Variants in CFAP299 observed in about 807,000 individuals in gnomAD.
CFAP299 encodes cilia and flagella associated protein 299.
In CFAP299, 21 loss-of-function variants were observed where a neutral mutation model predicts 27.0. That is an observed-to-expected ratio of 0.78 (90% CI 0.55 to 1.12). The LOEUF (loss-of-function observed/expected upper bound fraction) is 1.12. CFAP299 is among the 50% of genes most tolerant of loss of function. The pLI is 0.00. For synonymous variants in CFAP299, 104 were observed against 98.1 expected (o/e 1.06, Z -0.36); for missense variants, 310 against 276.6 (o/e 1.12, Z -0.86).
chr4:80,644,836 A>T (rs986854981), intron 3 of CFAP299, among the ~76,000 whole-genome samples: 1 of 152,190 alleles, frequency 6.6e-6, no homozygotes, highest in Non-Finnish European at 1.5e-5. Context: ...ATGTGAAATG[A>T]ATTAATTTTT....
At chr4:80,436,065 A>G (rs1461224583) in intron 2 of CFAP299, among the ~76,000 whole-genome samples, 1 of 152,138 alleles carries the variant, frequency 6.6e-6, no homozygotes, top group East Asian at 1.9e-4. Flanking sequence ...TAAGTAAGAG[A>G]GACTGCATAG....
intron 1 of CFAP299, among the ~76,000 whole-genome samples, chr4:80,349,065 G>C (rs1383167323): frequency 6.6e-6 from 1 of 152,208 alleles, no homozygotes; most frequent in African/African-American, 2.4e-5. Flanking sequence ...CATGAGGACA[G>C]AATGAAACGT....
chr4:80,922,173 G>A (rs1736078150), intron 4 of CFAP299, among the ~76,000 whole-genome samples: 1 of 151,922 alleles, frequency 6.6e-6, no homozygotes, highest in Admixed American at 6.6e-5. Flanking sequence ...TATCCAAGGA[G>A]GTTGTTCTTT....
chr4:80,800,321 C>T lies in CFAP299; in HGVS notation c.334-69672C>T, dbSNP rs1354932077. 1.2e-4 allele frequency among the ~76,000 whole-genome samples: 7 copies of T among 57,920 alleles called. 1 individual carries two copies. Among genetic ancestry groups the T allele is most frequent in the African/African-American group, 4.6e-4 (6 of 13,130 alleles). The allele number at this position is 57,920 out of a possible 152,430, so 38.0% of individuals were successfully genotyped here. A position where few individuals can be genotyped will look rare whatever the true frequency, so the allele number is the denominator to read the frequency against. On this transcript the variant is annotated intron_variant, in intron 3 of 5. Transcript: ENST00000358105. ...TATATAATATATAAGATATATGATA[C>T]ATTAATATTAATATATATAATATAT...
At chr4:80,336,745 C>T (rs879816602) in intron 1 of CFAP299, 1 of 152,286 alleles carries the variant, frequency 6.6e-6, no homozygotes, top group African/African-American at 2.4e-5. Flanking sequence ...AATGGACACT[C>T]ACCTGGAGAG....
At chr4:80,422,243 A>G (rs573114002) in intron 2 of CFAP299, among the ~76,000 whole-genome samples, 30 of 152,320 alleles carry the variant, frequency 2.0e-4, no homozygotes, top group African/African-American at 6.7e-4. Context: ...CTTAACAACT[A>G]TTCACCATAG....
intron 4 of CFAP299, among the ~76,000 whole-genome samples, chr4:80,882,300 A>G (rs1338881294): frequency 6.6e-6 from 1 of 152,214 alleles, no homozygotes; most frequent in African/African-American, 2.4e-5. Flanking sequence ...ACATAAAGAT[A>G]CATTGTAATC....
intron 3 of CFAP299, among the ~76,000 whole-genome samples, chr4:80,867,005 C>T (rs61683948): frequency 0.011 from 1,649 of 152,178 alleles, 26 homozygotes; most frequent in African/African-American, 0.037. Context: ...TTTAAATCGA[C>T]ATCAATTTTA....
At chr4:80,534,046 T>C (rs1028421660) in intron 2 of CFAP299, among the ~76,000 whole-genome samples, 1 of 152,142 alleles carries the variant, frequency 6.6e-6, no homozygotes, top group African/African-American at 2.4e-5. Context: ...CCATGATTAA[T>C]TAATGATATC....
At chr4:80,753,352 T>A (rs1362550467) in intron 3 of CFAP299, among the ~76,000 whole-genome samples, 2 of 152,048 alleles carry the variant, frequency 1.3e-5, no homozygotes, top group African/African-American at 4.8e-5. Context: ...TCTTATATAA[T>A]TCTTCTGTAA....
At chr4:80,570,030 C>A (rs11940084) in intron 2 of CFAP299, among the ~76,000 whole-genome samples, 141,432 of 152,076 alleles carry the variant, frequency 0.93, 65,828 homozygotes, top group East Asian at 1. Context: ...TTGACATCAA[C>A]ATTTATCATA....
chr4:80,392,493 A>G (rs1057031354), intron 2 of CFAP299, among the ~76,000 whole-genome samples: 1 of 152,162 alleles, frequency 6.6e-6, no homozygotes, highest in Non-Finnish European at 1.5e-5. Flanking sequence ...TGGTTCCTCC[A>G]TGCTGTTCTC....
chr4:80,744,644 G>T (rs778689345), intron 3 of CFAP299, among the ~76,000 whole-genome samples: 4 of 151,502 alleles, frequency 2.6e-5, no homozygotes. Flanking sequence ...TCTACCCAGC[G>T]TACAAATTAT....
chr4:80,631,761 A>G (rs927881706), intron 3 of CFAP299, among the ~76,000 whole-genome samples: 1 of 151,928 alleles, frequency 6.6e-6, no homozygotes. Context: ...TAGCCACGTG[A>G]ACAATAATAA....
intron 1 of CFAP299, among the ~76,000 whole-genome samples, chr4:80,348,782 C>T (rs776434432): frequency 1.3e-5 from 2 of 152,118 alleles, no homozygotes; most frequent in African/African-American, 2.4e-5. Context: ...TATGAAATAC[C>T]GAGGAATCCC....
intron 3 of CFAP299, among the ~76,000 whole-genome samples, chr4:80,833,838 C>G (rs1311939265): frequency 1.3e-5 from 2 of 152,146 alleles, no homozygotes; most frequent in African/African-American, 2.4e-5. Flanking sequence ...ATTACTCCTA[C>G]TGTGATACAC....
Position 80,811,859 on chromosome 4 carries a change from A to G in CFAP299, c.334-58134A>G, listed in dbSNP as rs147445708. Among the ~76,000 whole-genome samples, 387 of 152,234 alleles carry G rather than the reference A, an allele frequency of 2.5e-3. 1 individual carries two copies. Among genetic ancestry groups the G allele is most frequent in the African/African-American group, 8.8e-3 (364 of 41,554 alleles). ...CACAATGAAACACACAGAGGGAAAAATTTGGAGAGACAAGGAACTAAACAA... is the reference window on the plus strand; with the variant it reads ...CACAATGAAACACACAGAGGGAAAAGTTTGGAGAGACAAGGAACTAAACAA... On this transcript the variant is annotated intron_variant, in intron 3 of 5. Coordinates refer to ENST00000358105, the MANE Select transcript of CFAP299 (RefSeq NM_152770.3).
At chr4:80,581,742 G>C (rs975378136) in intron 2 of CFAP299, among the ~76,000 whole-genome samples, 1 of 151,526 alleles carries the variant, frequency 6.6e-6, no homozygotes, top group Non-Finnish European at 1.5e-5. Flanking sequence ...TCTTTCTAAA[G>C]GTTTGTGATA....
At chr4:80,533,628 T>C (rs901454502) in intron 2 of CFAP299, among the ~76,000 whole-genome samples, 1 of 152,208 alleles carries the variant, frequency 6.6e-6, no homozygotes, top group Non-Finnish European at 1.5e-5. Flanking sequence ...ATCCAGTTAT[T>C]TCTCAAAGAC....
Sources: allele counts gnomAD v4.1 joint callset (sites outside exome capture counted in the v4.1 genomes callset), GRCh38; gene constraint gnomAD v4.1.1; transcripts MANE v1.5; gene names NCBI Gene and HGNC (gene_info 2026-07-23, HGNC 2026-07-21).